CCDC125: variants seen among roughly 807,000 people sequenced by gnomAD.
The protein encoded by CCDC125 is coiled-coil domain containing 125.
In CCDC125, 43 loss-of-function variants were observed where a neutral mutation model predicts 57.4. The ratio of observed to expected loss-of-function variants is 0.75; its 90% CI spans 0.59 to 0.97. CCDC125 has a LOEUF of 0.97. Ranked by LOEUF, CCDC125 falls within the 50% of genes least tolerant of loss-of-function variation. CCDC125 has a pLI of 0.00. For synonymous variants in CCDC125, 187 were observed against 195.2 expected, an observed-to-expected ratio of 0.96 and a Z score of 0.35; for missense variants, 563 against 595.7, an observed-to-expected ratio of 0.95 and a Z score of 0.57.
intron 8 of CCDC125, among the ~76,000 whole-genome samples, chr5:69,296,630 A>G (rs1343565582): frequency 6.6e-6 from 1 of 152,124 alleles, no homozygotes; most frequent in Admixed American, 6.6e-5. Flanking sequence ...GAAGAAAAGT[A>G]GTATAATAAT....
Position 69,281,337 on chromosome 5 carries a change from A to C in CCDC125, c.*1392T>G, listed in dbSNP as rs749984716. 2.0e-5 allele frequency: 3 copies of C among 151,834 alleles called. No homozygotes were observed. Among genetic ancestry groups the C allele is most frequent in the Admixed American group, 6.6e-5 (1 of 15,192 alleles). The allele number at this position is 151,834 out of a possible 1,614,324, so 9.4% of individuals were successfully genotyped here. A position where few individuals can be genotyped will look rare whatever the true frequency, so the allele number is the denominator to read the frequency against. ...ACAGTGGGACCCTGTCTACACACACACCCCACCCCCACACACCCCAATTCA... is the reference window on the plus strand; with the variant it reads ...ACAGTGGGACCCTGTCTACACACACCCCCCACCCCCACACACCCCAATTCA... On this transcript the variant is annotated 3_prime_UTR_variant, in exon 12 of 12. Coordinates refer to ENST00000396496, the MANE Select transcript of CCDC125 (RefSeq NM_176816.5).
intron 1 of CCDC125, among the ~76,000 whole-genome samples, chr5:69,329,290 A>T (rs1761120704): frequency 6.6e-6 from 1 of 151,932 alleles, no homozygotes; most frequent in Non-Finnish European, 1.5e-5. Context: ...CAGCCTCCCG[A>T]GTAGCTGGGA....
chr5:69,299,254 C>T (rs372698298), intron 8 of CCDC125, among the ~76,000 whole-genome samples: 20 of 152,074 alleles, frequency 1.3e-4, no homozygotes, highest in South Asian at 4.1e-4. Context: ...GGACTACAGG[C>T]GCCCGCCACC....
chr5:69,304,280 T>C (rs1756973960), intron 6 of CCDC125, among the ~76,000 whole-genome samples: 1 of 151,908 alleles, frequency 6.6e-6, no homozygotes, highest in Non-Finnish European at 1.5e-5. Context: ...AATTTTTGTA[T>C]TTTTAGTAGA....
chr5:69,275,644 AAAATTAAAAATTTTGTC>A (rs1752044552), downstream of CCDC125, among the ~76,000 whole-genome samples: 1 of 152,342 alleles, frequency 6.6e-6, no homozygotes, highest in African/African-American at 2.4e-5. Context: ...TTTTATGTAC[AAAATTAAAAATTTTGTC>A]AAATTAAAAA....
chr5:69,307,734 T>A, intron 5 of CCDC125: 1 of 522,030 alleles, frequency 1.9e-6, no homozygotes, highest in Non-Finnish European at 3.4e-6. Flanking sequence ...GCAGGCCTCC[T>A]ACTACCTTAA....
At chr5:69,305,915 C>T (rs1176782574) in intron 6 of CCDC125, among the ~76,000 whole-genome samples, 1 of 152,042 alleles carries the variant, frequency 6.6e-6, no homozygotes, top group Admixed American at 6.6e-5. Context: ...ATTGGGGCCA[C>T]GATAGGATTG....
intron 2 of CCDC125, among the ~76,000 whole-genome samples, chr5:69,318,010 T>C (rs1041429664): frequency 7.7e-6 from 1 of 129,660 alleles, no homozygotes; most frequent in Non-Finnish European, 1.6e-5. Context: ...TGAGACTGAG[T>C]CTTGCTCTGT....
chr5:69,313,850 G>T, intron 3 of CCDC125, 135 bp downstream of exon 3: 1 of 859,164 alleles, frequency 1.2e-6, no homozygotes, highest in Non-Finnish European at 2.0e-6. Context: ...GACACCATCA[G>T]AGACAGCCAC....
chr5:69,283,335 T>C (rs1329976138), intron 11 of CCDC125, among the ~76,000 whole-genome samples: 2 of 150,858 alleles, frequency 1.3e-5, no homozygotes, highest in Non-Finnish European at 3.0e-5. Context: ...TTCTCCTGCC[T>C]CAGCCTCCCA....
intron 11 of CCDC125, among the ~76,000 whole-genome samples, chr5:69,283,603 T>G (rs1752812688): frequency 6.6e-6 from 1 of 151,892 alleles, no homozygotes; most frequent in African/African-American, 2.4e-5. Context: ...CTGCAGCCTC[T>G]GCCTCCCAGG....
Position 69,300,004 on chromosome 5 carries a change from T to C in CCDC125, c.816+8A>G, listed in dbSNP as rs745306072. ...CCTTCTGTTCAGCTTTCCTGCATGC[T>C]TACCTACCTCAAGACCTGAAGCCTC... On this transcript the variant is annotated splice_region_variant and intron_variant, in intron 8 of 11. Coordinates refer to ENST00000396496, the MANE Select transcript of CCDC125 (RefSeq NM_176816.5). The C allele has an allele frequency of 4.4e-6, 7 of 1,601,532 alleles. No individual in the cohort carries two copies.
At chr5:69,294,726 T>C (rs1360930416) in intron 9 of CCDC125, 67 bp downstream of exon 9, 10 of 1,179,634 alleles carry the variant, frequency 8.5e-6, no homozygotes, top group Non-Finnish European at 1.2e-5. Flanking sequence ...ATTGCAAACA[T>C]TTCCATTTAT....
At chr5:69,295,145 T>C (rs909536152) in intron 8 of CCDC125, among the ~76,000 whole-genome samples, 1 of 152,194 alleles carries the variant, frequency 6.6e-6, no homozygotes, top group African/African-American at 2.4e-5. Flanking sequence ...GAATTTTACC[T>C]TCCTTCATCT....
At chr5:69,320,929 G>C (rs561363731) in intron 1 of CCDC125, among the ~76,000 whole-genome samples, 9 of 152,188 alleles carry the variant, frequency 5.9e-5, no homozygotes, top group African/African-American at 2.2e-4. Flanking sequence ...GCCAGACACA[G>C]AAAGACAAAT....
At chr5:69,278,865 AT>A (rs35764556), downstream of CCDC125, among the ~76,000 whole-genome samples, 365 of 139,100 alleles carry the variant, frequency 2.6e-3, 2 homozygotes, top group Middle Eastern at 7.6e-3. Flanking sequence ...TGCCTGGTTA[AT>A]TTTTTTTTTT....
the CCDC125 span, among the ~76,000 whole-genome samples, chr5:69,275,057 C>G: frequency 7.1e-6 from 1 of 141,744 alleles, no homozygotes; most frequent in Admixed American, 7.2e-5. Flanking sequence ...GGGTGAGACT[C>G]TGTATCCAAA....
At chr5:69,279,993 A>G (rs961507003), downstream of CCDC125, among the ~76,000 whole-genome samples, 1 of 152,152 alleles carries the variant, frequency 6.6e-6, no homozygotes, top group Non-Finnish European at 1.5e-5. Flanking sequence ...GTATAAAACC[A>G]TTGGATCTCG....
chr5:69,279,261 G>T (rs1441757578), downstream of CCDC125, among the ~76,000 whole-genome samples: 1 of 146,564 alleles, frequency 6.8e-6, no homozygotes, highest in African/African-American at 2.5e-5. Flanking sequence ...GCAGTGGCAC[G>T]ATCTCGGCTC....
Sources: gnomAD v4.1 joint callset for allele counts (sites outside exome capture counted in the v4.1 genomes callset) on GRCh38, gnomAD v4.1.1 for gene constraint, MANE v1.5 for transcripts, NCBI Gene and HGNC (gene_info 2026-07-23, HGNC 2026-07-21) for gene names.